The following COLEC12 variants were observed in gnomAD, a reference collection of about 807,000 sequenced individuals.
COLEC12 encodes collectin subfamily member 12.
Under a neutral mutation model 71.1 loss-of-function variants are expected in COLEC12, and 33 were observed. That is an observed-to-expected ratio of 0.46 (90% CI 0.35 to 0.62). The LOEUF is 0.62. COLEC12 is among the 20% of genes least tolerant of loss of function. The pLI is 0.00. For synonymous variants in COLEC12, 350 were observed against 353.0 expected, an observed-to-expected ratio of 0.99 and a Z score of 0.10; for missense variants, 765 against 916.1, an observed-to-expected ratio of 0.84 and a Z score of 2.13.
intron 2 of COLEC12, among the ~76,000 whole-genome samples, chr18:478,386 G>C (rs1917344445): frequency 6.6e-6 from 1 of 152,220 alleles, no homozygotes; most frequent in Non-Finnish European, 1.5e-5. Context: ...GCTGAGGCTA[G>C]AGGATTGCTT....
At position 328,746 on chromosome 18, in the gene COLEC12, C is replaced by A. The variant is rs573200407; in HGVS notation, c.2063+2922G>T. 6.2e-4 allele frequency among the ~76,000 whole-genome samples: 95 copies of A among 152,174 alleles called. 1 individual carries two copies. The highest frequency in any genetic ancestry group is 1.2e-3 in the Non-Finnish European group (85 of 68,032). ...GTTGAGCAACTCACACGAGGCCTTG[C>A]AGCTTTGAGTGTTGCTGGGTCAAGG... On this transcript the variant is annotated intron_variant, in intron 8 of 9. Coordinates refer to ENST00000400256, the MANE Select transcript of COLEC12 (RefSeq NM_130386.3).
chr18:432,704 G>A (rs1318790096), intron 2 of COLEC12, among the ~76,000 whole-genome samples: 2 of 139,968 alleles, frequency 1.4e-5, no homozygotes, highest in Non-Finnish European at 3.1e-5. Context: ...ACCATGTGCT[G>A]CGAGCCACAC....
chr18:391,922 T>A (rs905672126), intron 2 of COLEC12, among the ~76,000 whole-genome samples: 1 of 152,238 alleles, frequency 6.6e-6, no homozygotes, highest in African/African-American at 2.4e-5. Context: ...GTTCCTACAA[T>A]GATTGTGAAA....
chr18:410,857 T>C (rs1373639777), intron 2 of COLEC12, among the ~76,000 whole-genome samples: 2 of 152,072 alleles, frequency 1.3e-5, no homozygotes, highest in Non-Finnish European at 2.9e-5. Context: ...AGAAAACTTT[T>C]CAATAATAAA....
At chr18:455,422 T>G (rs34693935) in intron 2 of COLEC12, among the ~76,000 whole-genome samples, 35,416 of 151,622 alleles carry the variant, frequency 0.23, 4,167 homozygotes, top group East Asian at 0.27. Flanking sequence ...GGACTACAGG[T>G]GCCCGCCACC....
intron 2 of COLEC12, among the ~76,000 whole-genome samples, chr18:400,762 A>T (rs1190751893): frequency 6.6e-6 from 1 of 152,226 alleles, no homozygotes; most frequent in Non-Finnish European, 1.5e-5. Flanking sequence ...TATGCAATGG[A>T]AGGTGTGACT....
At chr18:478,391 T>C (rs569940993) in intron 2 of COLEC12, among the ~76,000 whole-genome samples, 62 of 152,254 alleles carry the variant, frequency 4.1e-4, no homozygotes, top group African/African-American at 1.5e-3. Context: ...GGCTAGAGGA[T>C]TGCTTAAGCC....
intron 3 of COLEC12, among the ~76,000 whole-genome samples, chr18:351,763 T>TAATAAATAAAA (rs1217227911): frequency 2.0e-5 from 3 of 152,194 alleles, no homozygotes; most frequent in African/African-American, 7.2e-5. Flanking sequence ...ACTTTAAGTT[T>TAATAAATAAAA]TAGGGTACAT....
intron 2 of COLEC12, among the ~76,000 whole-genome samples, chr18:369,398 T>TA (rs1272236876): frequency 3.0e-5 from 4 of 131,562 alleles, no homozygotes; most frequent in African/African-American, 1.3e-4. Flanking sequence ...TTTTTTTTTA[T>TA]TTTTTTTTAT....
intron 2 of COLEC12, among the ~76,000 whole-genome samples, chr18:396,843 A>T (rs1915582286): frequency 1.3e-5 from 2 of 152,362 alleles, no homozygotes; most frequent in Admixed American, 1.3e-4. Flanking sequence ...TTGGATGATT[A>T]AATGCAAGAG....
intron 2 of COLEC12, among the ~76,000 whole-genome samples, chr18:466,130 C>G (rs1159299419): frequency 6.6e-6 from 1 of 152,124 alleles, no homozygotes; most frequent in Admixed American, 6.5e-5. Flanking sequence ...GTCCCAGCTA[C>G]TAGGGAGGCT....
intron 2 of COLEC12, among the ~76,000 whole-genome samples, chr18:401,732 A>C (rs571682016): frequency 1.3e-5 from 2 of 152,250 alleles, no homozygotes; most frequent in African/African-American, 4.8e-5. Flanking sequence ...TATAATCAAA[A>C]ATTTGCTTTA....
chr18:494,723 C>T (rs571105911), intron 1 of COLEC12, among the ~76,000 whole-genome samples: 85 of 152,308 alleles, frequency 5.6e-4, no homozygotes, highest in African/African-American at 2.0e-3. Context: ...CAGCTAGTTT[C>T]CTAACATTTC....
chr18:409,251 G>A (rs578176217), intron 2 of COLEC12, among the ~76,000 whole-genome samples: 30 of 152,288 alleles, frequency 2.0e-4, no homozygotes, highest in African/African-American at 5.8e-4. Flanking sequence ...TAAAAGAAAC[G>A]TCTCCTAGGC....
Position 320,034 on chromosome 18 carries a change from A to T in COLEC12, c.*11T>A. 4 of 1,544,574 alleles carry T rather than the reference A, an allele frequency of 2.6e-6. No individual in the cohort carries two copies. Among genetic ancestry groups the T allele is most frequent in the Non-Finnish European group, 3.5e-6 (4 of 1,128,424 alleles). ...GCTGAAAATTTGCTCATGTGATCCC[A>T]TCACAGTCCGTTATAATGCAGATGA... On this transcript the variant is annotated 3_prime_UTR_variant, in exon 10 of 10. Transcript: ENST00000400256.
At chr18:395,829 C>T (rs1242293183) in intron 2 of COLEC12, among the ~76,000 whole-genome samples, 1 of 152,200 alleles carries the variant, frequency 6.6e-6, no homozygotes, top group Admixed American at 6.5e-5. Context: ...CCCAATTCCC[C>T]CCATCCATCC....
chr18:398,418 A>T (rs1293320714), intron 2 of COLEC12, among the ~76,000 whole-genome samples: 3 of 152,224 alleles, frequency 2.0e-5, no homozygotes, highest in Non-Finnish European at 4.4e-5. Context: ...AACCACTTCT[A>T]TGGTAAAAAC....
At chr18:381,194 G>A (rs1915224760) in intron 2 of COLEC12, among the ~76,000 whole-genome samples, 1 of 152,164 alleles carries the variant, frequency 6.6e-6, no homozygotes, top group Non-Finnish European at 1.5e-5. Flanking sequence ...ATAGGAAGGA[G>A]TTTCTGCAAG....
rs537687681 is a variant in COLEC12 at position 360,069 on chromosome 18, G to C, written c.59-2547C>G. On this transcript the variant is annotated intron_variant, in intron 2 of 9. Transcript: ENST00000400256. ...GTGCATCTGTCAATTTCATGACTTA[G>C]AGCAGTGCTTCTCAAACTTTGGGGT... 2.7e-4 allele frequency among the ~76,000 whole-genome samples: 41 copies of C among 152,260 alleles called. 4 individuals carry two copies. Among genetic ancestry groups the C allele is most frequent in the African/African-American group, 9.6e-4 (40 of 41,564 alleles).
Sources: allele counts gnomAD v4.1 joint callset (sites outside exome capture counted in the v4.1 genomes callset), GRCh38; gene constraint gnomAD v4.1.1; transcripts MANE v1.5; gene names NCBI Gene and HGNC (gene_info 2026-07-23, HGNC 2026-07-21).